Variants in NPHP1 observed in about 807,000 individuals in gnomAD.
NPHP1 encodes nephrocystin-1.
NPHP1 carries 70 observed loss-of-function variants against 90.4 expected under a neutral mutation model. That is an observed-to-expected ratio of 0.77 (90% CI 0.64 to 0.95). The LOEUF is 0.95. Ranked by LOEUF, NPHP1 falls within the 40% of genes least tolerant of loss-of-function variation. The pLI is 0.00. For synonymous variants in NPHP1, 256 were observed against 271.7 expected (o/e 0.94, Z 0.57); for missense variants, 764 against 795.9 (o/e 0.96, Z 0.48).
Position 110,146,839 on chromosome 2 carries a change from G to A in NPHP1, c.1270-4C>T, listed in dbSNP as rs151204566. ...ACTCTCCTCTTTCACCAGTTGACTA[G>A]GAAATAAGACAAGTATATGAAACTT... On this transcript the variant is annotated splice_region_variant and splice_polypyrimidine_tract_variant and intron_variant, in intron 13 of 19. Transcript: ENST00000445609. 4,158 of 1,608,944 alleles carry A rather than the reference G, an allele frequency of 2.6e-3. 22 individuals carry two copies. The highest frequency in any genetic ancestry group is 2.5e-3 in the Non-Finnish European group (2,911 of 1,175,410).
intron 2 of NPHP1, among the ~76,000 whole-genome samples, chr2:110,198,941 AAATT>A (rs1685366405): frequency 6.6e-6 from 1 of 152,078 alleles, no homozygotes; most frequent in Admixed American, 6.5e-5. Context: ...AACCAAATAT[AAATT>A]AATTAATTAA....
chr2:110,184,494 C>A, intron 2 of NPHP1: 2 of 989,670 alleles, frequency 2.0e-6, no homozygotes, highest in Admixed American at 2.1e-5. Context: ...TGTGCTCAGC[C>A]TTTATGCCAC....
intron 2 of NPHP1, among the ~76,000 whole-genome samples, chr2:110,194,958 C>A (rs905465908): frequency 6.6e-6 from 1 of 152,072 alleles, no homozygotes; most frequent in Non-Finnish European, 1.5e-5. Context: ...AATTTAACAA[C>A]CCTTTATGCT....
At chr2:110,199,938 A>T (rs907202652) in intron 2 of NPHP1, among the ~76,000 whole-genome samples, 2 of 152,150 alleles carry the variant, frequency 1.3e-5, no homozygotes, top group Non-Finnish European at 1.5e-5. Flanking sequence ...ATGCACAGAG[A>T]AGACTATGGT....
At chr2:110,144,347 T>C in intron 15 of NPHP1, 146 bp downstream of exon 15, 1 of 640,384 alleles carries the variant, frequency 1.6e-6, no homozygotes, top group Middle Eastern at 3.8e-4. Context: ...TACTTAAAAA[T>C]GATTAAAATT....
In NPHP1 at chr2:110,144,577, A is replaced by G; in HGVS notation, c.1353-8T>C. ...AAGAAAAGCTCATAAGTTCTATAAA[A>G]GAATAACATACAATGACAGATATAA... is the stretch of plus-strand genomic sequence containing the variant. On this transcript the variant is annotated splice_region_variant and splice_polypyrimidine_tract_variant and intron_variant, in intron 14 of 19. Transcript: ENST00000445609. 6.6e-7 allele frequency: 1 copy of G among 1,515,506 alleles called. No homozygotes were observed. The highest frequency in any genetic ancestry group is 9.2e-7 in the Non-Finnish European group (1 of 1,090,302). 93.9% of individuals were successfully genotyped at this position (1,515,506 alleles called of 1,614,324 possible). A position where few individuals can be genotyped will look rare whatever the true frequency, so the allele number is the denominator to read the frequency against.
intron 2 of NPHP1, among the ~76,000 whole-genome samples, chr2:110,191,657 T>C (rs1286960714): frequency 1.3e-5 from 2 of 152,078 alleles, no homozygotes; most frequent in South Asian, 2.1e-4. Context: ...TGGAAGACAG[T>C]AGTGGTTCTC....
chr2:110,176,894 C>T (rs1395375324), intron 4 of NPHP1, among the ~76,000 whole-genome samples: 2 of 152,214 alleles, frequency 1.3e-5, no homozygotes, highest in African/African-American at 2.4e-5. Flanking sequence ...GCCTTGCAGG[C>T]ATCATGCCCT....
At chr2:110,202,410 G>C (rs900544560) in intron 1 of NPHP1, 1 of 454,196 alleles carries the variant, frequency 2.2e-6, no homozygotes, top group Non-Finnish European at 4.4e-6. Context: ...CTGACTCAGA[G>C]GGGCTGTTGA....
At chr2:110,153,791 G>A (rs1025423597) in intron 11 of NPHP1, among the ~76,000 whole-genome samples, 1 of 152,018 alleles carries the variant, frequency 6.6e-6, no homozygotes, top group African/African-American at 2.4e-5. Flanking sequence ...AGACTAGCCT[G>A]GCCAACATGG....
At chr2:110,126,152 G>A (rs1567366) in intron 18 of NPHP1, 70,265 of 175,162 alleles carry the variant, frequency 0.4, 14,296 homozygotes, top group East Asian at 0.59. Context: ...TCTGTCCACA[G>A]GGCTTCACAG....
At chr2:110,188,836 A>G (rs1476655182) in intron 2 of NPHP1, among the ~76,000 whole-genome samples, 1 of 152,128 alleles carries the variant, frequency 6.6e-6, no homozygotes, top group African/African-American at 2.4e-5. Context: ...CTCAGAAATA[A>G]GACTTGCACA....
chr2:110,182,391 C>T (rs1166756741), intron 2 of NPHP1, among the ~76,000 whole-genome samples: 1 of 151,810 alleles, frequency 6.6e-6, no homozygotes, highest in African/African-American at 2.4e-5. Context: ...GAGAGAAAGG[C>T]CAGCTCACCT....
chr2:110,157,915 C>G (rs1682028335), intron 11 of NPHP1, among the ~76,000 whole-genome samples: 1 of 152,164 alleles, frequency 6.6e-6, no homozygotes, highest in Non-Finnish European at 1.5e-5. Context: ...TTTGAGAATT[C>G]TTTTCTAACA....
chr2:110,128,965 A>T (rs1679570186), intron 18 of NPHP1: 1 of 587,816 alleles, frequency 1.7e-6, no homozygotes, highest in Admixed American at 3.0e-5. Context: ...GCAATAGTGT[A>T]CATAGCAGGC....
At chr2:110,153,350 A>G (rs1266555644) in intron 11 of NPHP1, among the ~76,000 whole-genome samples, 2 of 152,224 alleles carry the variant, frequency 1.3e-5, no homozygotes, top group Non-Finnish European at 2.9e-5. Flanking sequence ...GAAGACTCTT[A>G]GAGCATCAGG....
intron 2 of NPHP1, among the ~76,000 whole-genome samples, chr2:110,190,463 GGGCT>G (rs1451725219): frequency 3.3e-5 from 5 of 152,196 alleles, no homozygotes; most frequent in African/African-American, 1.2e-4. Context: ...AGGGCCGGTG[GGGCT>G]GGCTGGCTGG....
At chr2:110,169,741 G>A (rs1331411298) in intron 5 of NPHP1, 65 bp downstream of exon 5, 1 of 1,099,358 alleles carries the variant, frequency 9.1e-7, no homozygotes, top group Non-Finnish European at 1.4e-6. Flanking sequence ...TACAGGCAGA[G>A]TTTTCTTATT....
At chr2:110,186,910 G>T (rs1170813584) in intron 2 of NPHP1, among the ~76,000 whole-genome samples, 1 of 152,122 alleles carries the variant, frequency 6.6e-6, no homozygotes. Context: ...ATAACCACCT[G>T]TCCCTGAATG....
Sources: allele counts gnomAD v4.1 joint callset (sites outside exome capture counted in the v4.1 genomes callset), GRCh38; gene constraint gnomAD v4.1.1; transcripts MANE v1.5; gene names NCBI Gene and HGNC (gene_info 2026-07-23, HGNC 2026-07-21).